The following STAU1 variants were observed in gnomAD, a reference collection of about 807,000 sequenced individuals.
The protein encoded by STAU1 is double-stranded RNA-binding protein Staufen homolog 1.
STAU1 carries 13 observed loss-of-function variants against 62.9 expected under a neutral mutation model. The observed-to-expected ratio is 0.21, with a 90% CI of 0.13 to 0.33. STAU1 has a LOEUF of 0.33. STAU1 is among the 10% of genes least tolerant of loss of function. The pLI, the probability that STAU1 is intolerant of heterozygous loss-of-function variation, is 1.00. For synonymous variants in STAU1, 269 were observed against 265.1 expected, an observed-to-expected ratio of 1.01 and a Z score of -0.14; for missense variants, 571 against 712.1, an observed-to-expected ratio of 0.80 and a Z score of 2.25.
chr20:49,219,285 A>C, the STAU1 span: 9 of 1,465,706 alleles, frequency 6.1e-6, no homozygotes, highest in Non-Finnish European at 7.3e-6. Context: ...ACCACGCCCC[A>C]TATTGCCGCA....
the STAU1 span, among the ~76,000 whole-genome samples, chr20:49,208,745 G>A: frequency 6.0e-5 from 9 of 150,620 alleles, no homozygotes; most frequent in African/African-American, 2.0e-4. Context: ...TCAGCCTCCC[G>A]AGTAGGTGGG....
At chr20:49,164,900 T>A (rs1289848924) in intron 3 of STAU1, among the ~76,000 whole-genome samples, 1 of 152,164 alleles carries the variant, frequency 6.6e-6, no homozygotes, top group African/African-American at 2.4e-5. Flanking sequence ...AAAACAAAAA[T>A]AAAAATAAAT....
At chr20:49,161,836 C>A (rs1260956386) in intron 3 of STAU1, among the ~76,000 whole-genome samples, 7 of 152,188 alleles carry the variant, frequency 4.6e-5, no homozygotes, top group Non-Finnish European at 7.3e-5. Flanking sequence ...GGAGTACACT[C>A]CCAGAGAAGA....
At chr20:49,216,791 G>T in the STAU1 span, among the ~76,000 whole-genome samples, 1 of 152,156 alleles carries the variant, frequency 6.6e-6, no homozygotes, top group Non-Finnish European at 1.5e-5. Flanking sequence ...TCATAGGAAG[G>T]TGAAGCAGAT....
intron 1 of STAU1, among the ~76,000 whole-genome samples, chr20:49,186,443 C>T (rs2093788271): frequency 6.6e-6 from 1 of 151,972 alleles, no homozygotes; most frequent in African/African-American, 2.4e-5. Context: ...GGCCACTTTG[C>T]CGCATGTGTG....
At chr20:49,219,148 T>A in the STAU1 span, 1 of 527,234 alleles carries the variant, frequency 1.9e-6, no homozygotes. Flanking sequence ...CTAGAGTTTA[T>A]AAATGCAACT....
Position 49,119,781 on chromosome 20 carries a change from AC to A in STAU1, c.1113+200del, listed in dbSNP as rs11479910. 2.7e-3 allele frequency among the ~76,000 whole-genome samples: 406 copies of A among 152,272 alleles called. 1 individual carries two copies. The highest frequency in any genetic ancestry group is 7.0e-3 in the African/African-American group (290 of 41,562). On this transcript the variant is annotated intron_variant, in intron 9 of 13. Transcript: ENST00000371856. ...AGATACTGACACAATCAACGATCTA[AC>A]CCAGAGCCTCCTGGGGCCAGTGGAC...
At chr20:49,129,149 T>C (rs964851168) in intron 6 of STAU1, among the ~76,000 whole-genome samples, 27 of 151,906 alleles carry the variant, frequency 1.8e-4, no homozygotes, top group Admixed American at 9.8e-4. Context: ...TATAAACCTA[T>C]ATTTCATCAA....
At chr20:49,216,570 TA>T in the STAU1 span, among the ~76,000 whole-genome samples, 11 of 151,452 alleles carry the variant, frequency 7.3e-5, no homozygotes, top group South Asian at 2.3e-3. Context: ...ACTCTCAAAA[TA>T]AAAAAAATGA....
the STAU1 span, among the ~76,000 whole-genome samples, chr20:49,196,604 T>C: frequency 6.7e-6 from 1 of 149,928 alleles, no homozygotes; most frequent in Non-Finnish European, 1.5e-5. Flanking sequence ...GTGGCCAACA[T>C]GACGAAATAA....
At chr20:49,205,359 GAC>G in the STAU1 span, among the ~76,000 whole-genome samples, 633 of 141,020 alleles carry the variant, frequency 4.5e-3, 21 homozygotes, top group Admixed American at 0.039. Flanking sequence ...TATGCTTTAT[GAC>G]AGTTTTTTTT....
At chr20:49,144,115 A>T (rs1157645944) in intron 5 of STAU1, among the ~76,000 whole-genome samples, 1 of 152,218 alleles carries the variant, frequency 6.6e-6, no homozygotes, top group Non-Finnish European at 1.5e-5. Context: ...GATTATAAAC[A>T]CCAACAGAAG....
intron 6 of STAU1, among the ~76,000 whole-genome samples, chr20:49,133,307 G>A (rs1337927247): frequency 6.6e-6 from 1 of 152,194 alleles, no homozygotes; most frequent in Non-Finnish European, 1.5e-5. Context: ...CAGGTGGTAA[G>A]CTTCTCAGGA....
intron 5 of STAU1, among the ~76,000 whole-genome samples, chr20:49,136,737 G>A (rs1375999199): frequency 1.3e-5 from 2 of 151,572 alleles, no homozygotes; most frequent in South Asian, 2.1e-4. Flanking sequence ...TCGCTCTGTT[G>A]CCCAGGATGG....
At chr20:49,115,285 T>C (rs2092289507) in intron 13 of STAU1, among the ~76,000 whole-genome samples, 1 of 152,106 alleles carries the variant, frequency 6.6e-6, no homozygotes, top group Non-Finnish European at 1.5e-5. Context: ...TGTGAAGGTA[T>C]GACCAACTCA....
Position 49,117,857 on chromosome 20 carries a change from A to G in STAU1, c.1429T>C (p.Ser477Pro), listed in dbSNP as rs2092364955. The stretch of plus-strand genomic sequence containing the variant: ...GGTCCATGGGGTACGTGGCCTGAAG[A>G]GATGTTATTCTTTAAAATGGTCTCG... ...TAETILKNNI[S>P]SGHVPHGPLT... Residue 477 changes from serine (S) to proline (P), a missense_variant, in exon 11 of 14, where the codon TCT (serine) becomes CCT (proline). Physicochemically the swap from Ser to Pro is moderately conservative, Grantham distance 74. Coordinates refer to ENST00000371856, the MANE Select transcript of STAU1 (RefSeq NM_017453.4). This position sits in a 1 kb window ranked among gnomAD's most constrained non-coding sequence, Gnocchi z 4.6. 1.2e-6 allele frequency: 2 copies of G among 1,614,090 alleles called. No homozygotes were observed. The highest frequency in any genetic ancestry group is 2.7e-5 in the African/African-American group (2 of 74,996).
chr20:49,153,812 A>G, intron 4 of STAU1, 121 bp downstream of exon 4: 1 of 1,082,458 alleles, frequency 9.2e-7, no homozygotes, highest in Non-Finnish European at 1.2e-6. Flanking sequence ...ACCAACTTCA[A>G]CACTTGGCAG....
rs745381670 is a variant in STAU1 at position 49,115,884 on chromosome 20, G to A, written c.1633-17C>T. ...CAGCGCAGCCTAGTGGGGATGGAAA[G>A]AAGGGTAAAGCCACAGCCACCGCTT... On this transcript the variant is annotated splice_polypyrimidine_tract_variant and intron_variant, in intron 12 of 13. Coordinates refer to ENST00000371856, the MANE Select transcript of STAU1 (RefSeq NM_017453.4). 2.5e-6 allele frequency: 4 copies of A among 1,612,614 alleles called. No individual in the cohort carries two copies. Among genetic ancestry groups the A allele is most frequent in the South Asian group, 2.2e-5 (2 of 91,028 alleles).
chr20:49,153,855 T>C, intron 4 of STAU1, 78 bp downstream of exon 4: 3 of 1,419,916 alleles, frequency 2.1e-6, no homozygotes, highest in South Asian at 3.1e-5. Context: ...CTCCACAATC[T>C]AGAGGTACTG....
Sources: allele counts gnomAD v4.1 joint callset (sites outside exome capture counted in the v4.1 genomes callset), GRCh38; gene constraint gnomAD v4.1.1; non-coding constraint Gnocchi (gnomAD v3.1); transcripts MANE v1.5; gene names NCBI Gene and HGNC (gene_info 2026-07-23, HGNC 2026-07-21).